Variants in PCDHA10 observed in about 807,000 individuals in gnomAD.
PCDHA10 encodes the protein protocadherin alpha-10.
In PCDHA10, 45 loss-of-function variants were observed where a neutral mutation model predicts 61.2. That is an observed-to-expected ratio of 0.74 (90% CI 0.58 to 0.94). PCDHA10 has a LOEUF of 0.94. Among genes scored for constraint, PCDHA10 ranks in the 40% least tolerant of loss-of-function variants. The pLI, the probability that PCDHA10 is intolerant of heterozygous loss-of-function variation, is 0.00. For missense variants in PCDHA10, 1,278 were observed against 1,236.2 expected, an observed-to-expected ratio of 1.03 and a Z score of -0.51; for synonymous variants, 602 against 548.8, an observed-to-expected ratio of 1.10 and a Z score of -1.35.
intron 1 of PCDHA10, among the ~76,000 whole-genome samples, chr5:140,873,187 T>C (rs1169831538): frequency 6.6e-6 from 1 of 152,214 alleles, no homozygotes; most frequent in Non-Finnish European, 1.5e-5. Context: ...ATAATATTCA[T>C]TGGCTAAAAA....
chr5:140,976,644 A>G (rs1487728765), intron 1 of PCDHA10, among the ~76,000 whole-genome samples: 1 of 152,228 alleles, frequency 6.6e-6, no homozygotes, highest in Admixed American at 6.5e-5. Context: ...CAGACAAGTA[A>G]TTTAATCTCT....
At chr5:141,003,160 C>T (rs1383713910) in intron 3 of PCDHA10, among the ~76,000 whole-genome samples, 3 of 152,200 alleles carry the variant, frequency 2.0e-5, no homozygotes. Context: ...CCTGATCAAT[C>T]CTAGTCCCTG....
chr5:140,883,451 T>A (rs2153394032), intron 1 of PCDHA10: 1 of 1,614,144 alleles, frequency 6.2e-7, no homozygotes, highest in Non-Finnish European at 8.5e-7. Context: ...GCATGTCCCC[T>A]TCAAGCTGGT....
intron 3 of PCDHA10, among the ~76,000 whole-genome samples, chr5:141,008,133 A>G (rs782089475): frequency 6.6e-6 from 1 of 152,208 alleles, no homozygotes; most frequent in Non-Finnish European, 1.5e-5. Context: ...GGGGATGACA[A>G]ATGCTGCTGA....
chr5:140,926,825 G>T (rs937740656), intron 1 of PCDHA10: 2 of 1,499,696 alleles, frequency 1.3e-6, no homozygotes, highest in Admixed American at 4.7e-5. Flanking sequence ...CTCTCCAGGA[G>T]TCCGGAGCAT....
At chr5:140,954,299 C>T (rs964431670) in intron 1 of PCDHA10, among the ~76,000 whole-genome samples, 2 of 152,166 alleles carry the variant, frequency 1.3e-5, no homozygotes, top group Non-Finnish European at 2.9e-5. Context: ...GGTACATACC[C>T]AGTAATGGGA....
intron 2 of PCDHA10, chr5:140,982,271 G>A: frequency 1.1e-6 from 1 of 930,566 alleles, no homozygotes; most frequent in South Asian, 1.9e-5. Flanking sequence ...TCCTGGAATA[G>A]TATAGCAGGC....
intron 1 of PCDHA10, chr5:140,861,256 C>T (rs553582293): frequency 1.8e-5 from 3 of 166,694 alleles, no homozygotes; most frequent in African/African-American, 7.2e-5. Flanking sequence ...GCCAGGAATC[C>T]CGGAGCCTAC....
chr5:140,963,365 T>C (rs2095759439), intron 1 of PCDHA10, among the ~76,000 whole-genome samples: 1 of 152,254 alleles, frequency 6.6e-6, no homozygotes. Flanking sequence ...CAAAGAACAT[T>C]AATTGAGCAC....
At chr5:140,944,724 C>G (rs246064) in intron 1 of PCDHA10, among the ~76,000 whole-genome samples, 85,713 of 151,920 alleles carry the variant, frequency 0.56, 24,798 homozygotes, top group African/African-American at 0.69. Flanking sequence ...CTTTGAACAC[C>G]TTAGTAAGTC....
intron 1 of PCDHA10, among the ~76,000 whole-genome samples, chr5:140,917,503 T>G (rs1423295268): frequency 6.6e-6 from 1 of 152,208 alleles, no homozygotes; most frequent in African/African-American, 2.4e-5. Flanking sequence ...AGAATGATAT[T>G]TTCTAGGTTT....
intron 1 of PCDHA10, among the ~76,000 whole-genome samples, chr5:140,903,182 G>A (rs1030121963): frequency 1.3e-5 from 2 of 152,164 alleles, no homozygotes; most frequent in Non-Finnish European, 2.9e-5. Flanking sequence ...CCCACCAATA[G>A]TATAAAAGAG....
At chr5:140,967,046 C>T in intron 1 of PCDHA10, 1 of 1,612,334 alleles carries the variant, frequency 6.2e-7, no homozygotes, top group African/African-American at 1.3e-5. Context: ...GGAGCTGGAC[C>T]TGACGAGTGG....
At chr5:140,942,406 G>GT (rs1554214961) in intron 1 of PCDHA10, among the ~76,000 whole-genome samples, 2 of 149,658 alleles carry the variant, frequency 1.3e-5, no homozygotes, top group South Asian at 2.1e-4. Flanking sequence ...ATGAGACTCT[G>GT]TTTAAAAAAA....
intron 1 of PCDHA10, among the ~76,000 whole-genome samples, chr5:140,904,937 A>C (rs2071485651): frequency 6.6e-6 from 1 of 152,190 alleles, no homozygotes; most frequent in Non-Finnish European, 1.5e-5. Flanking sequence ...GGTTCTGGAT[A>C]TTAGTCCTTT....
At chr5:140,911,439 A>C (rs2075473101) in intron 1 of PCDHA10, among the ~76,000 whole-genome samples, 2 of 152,080 alleles carry the variant, frequency 1.3e-5, no homozygotes, top group Admixed American at 1.3e-4. Context: ...AATTTCCCGC[A>C]ATTTCAGCTC....
chr5:140,856,704 C>T lies in PCDHA10; in HGVS notation c.656C>T (p.Pro219Leu). 1 of 1,596,654 alleles carries T rather than the reference C, an allele frequency of 6.3e-7. No individual in the cohort carries two copies. The highest frequency in any genetic ancestry group is 8.6e-7 in the Non-Finnish European group (1 of 1,166,348). The change falls in exon 1 of 4, where the codon CCT (proline) becomes CTT (leucine). Residue 219 changes from proline to leucine, a missense_variant. Pro to Leu is a moderately conservative substitution (Grantham distance 98). Transcript: ENST00000307360. ...TTGACAGCAACTGATGGAGGCAAACCTGAATTTACCGGATCTGTTTCTCTG... is the reference window on the plus strand; with the variant it reads ...TTGACAGCAACTGATGGAGGCAAACTTGAATTTACCGGATCTGTTTCTCTG... ...LLLTATDGGK[P>L]EFTGSVSLLI...
At chr5:140,946,447 A>G (rs1206019841) in intron 1 of PCDHA10, among the ~76,000 whole-genome samples, 6 of 151,544 alleles carry the variant, frequency 4.0e-5, no homozygotes, top group Non-Finnish European at 7.4e-5. Context: ...AGACTAAAAC[A>G]ACTATCCAGC....
Position 140,920,446 on chromosome 5 carries a change from A to G in PCDHA10, c.2389-58503A>G, listed in dbSNP as rs2079636964. 2.6e-5 allele frequency among the ~76,000 whole-genome samples: 4 copies of G among 152,114 alleles called. No homozygotes were observed. In the South Asian group the frequency reaches 8.3e-4, roughly 31 times the overall value. On this transcript the variant is annotated intron_variant, in intron 1 of 3. Coordinates refer to ENST00000307360, the MANE Select transcript of PCDHA10 (RefSeq NM_018901.4). ...CTCCCACACACCTCTTTTATACTGT[A>G]ATTGACAAATTTGTTATATTTCTGT...
Sources: gnomAD v4.1 joint callset for allele counts (sites outside exome capture counted in the v4.1 genomes callset) on GRCh38, gnomAD v4.1.1 for gene constraint, MANE v1.5 for transcripts, NCBI Gene and HGNC (gene_info 2026-07-23, HGNC 2026-07-21) for gene names.